Variants in ENPP3 observed in about 807,000 individuals in gnomAD.
ENPP3 encodes ectonucleotide pyrophosphatase/phosphodiesterase family member 3.
A neutral mutation model predicts 117.8 loss-of-function variants in ENPP3; 104 were observed. That is an observed-to-expected ratio of 0.88 (90% CI 0.75 to 1.04). ENPP3 has a LOEUF of 1.04. Among genes scored for constraint, ENPP3 ranks in the 50% least tolerant of loss-of-function variants. ENPP3 has a pLI of 0.00. For synonymous variants in ENPP3, 380 were observed against 349.9 expected, an observed-to-expected ratio of 1.09 and a Z score of -0.96; for missense variants, 1,026 against 1,051.9, an observed-to-expected ratio of 0.98 and a Z score of 0.34.
chr6:131,652,785 G>A, intron 4 of ENPP3, 46 bp from the exon 5 acceptor site: 1 of 1,592,932 alleles, frequency 6.3e-7, no homozygotes, highest in Non-Finnish European at 8.6e-7. Context: ...TAGTTACTCT[G>A]TCTGTGCTGC....
At chr6:131,660,875 A>G (rs1294644827) in intron 6 of ENPP3, among the ~76,000 whole-genome samples, 1 of 152,170 alleles carries the variant, frequency 6.6e-6, no homozygotes, top group African/African-American at 2.4e-5. Flanking sequence ...CCATTGATTA[A>G]CGATTCCACA....
intron 15 of ENPP3, among the ~76,000 whole-genome samples, chr6:131,717,354 GTGTGTGTGTGTGTGT>G (rs1779919161): frequency 2.4e-4 from 2 of 8,466 alleles, no homozygotes; most frequent in African/African-American, 6.6e-4. Flanking sequence ...TGCGGGGGGT[GTGTGTGTGTGTGTGT>G]GTGTGTGTGT....
intron 10 of ENPP3, 103 bp downstream of exon 10, chr6:131,676,904 G>T: frequency 1.4e-6 from 1 of 737,428 alleles, no homozygotes; most frequent in Non-Finnish European, 2.3e-6. Context: ...GGCTATTTTC[G>T]AAACGACGTG....
intron 6 of ENPP3, among the ~76,000 whole-genome samples, chr6:131,670,602 C>T (rs1015166851): frequency 6.6e-6 from 1 of 152,096 alleles, no homozygotes; most frequent in African/African-American, 2.4e-5. Flanking sequence ...ACAATCCTCC[C>T]ACCTCAGCCT....
chr6:131,694,172 A>AC (rs1779350719), intron 15 of ENPP3, among the ~76,000 whole-genome samples: 1 of 152,166 alleles, frequency 6.6e-6, no homozygotes, highest in African/African-American at 2.4e-5. Context: ...TGTGCATGCT[A>AC]TTTAGCAGTT....
At position 131,674,243 on chromosome 6, in the gene ENPP3, A is replaced by G. The variant is rs1416046366; in HGVS notation, c.724A>G (p.Lys242Glu). 2 of 1,613,322 alleles carry G rather than the reference A, an allele frequency of 1.2e-6. No homozygotes were observed. The highest frequency in any genetic ancestry group is 3.3e-4 in the Middle Eastern group (2 of 6,060). ...CAACAAGAATTTTTCACTTTCTTCA[A>G]AGGAACAAAATAATCCAGCCTGGTG... The part of the protein sequence containing the change: ...NLNKNFSLSS[K>E]EQNNPAWWHG... The change falls in exon 8 of 25, where the codon AAG becomes GAG. Residue 242 changes from lysine to glutamate, a missense_variant. Lys to Glu is a moderately conservative substitution (Grantham distance 56). Coordinates refer to ENST00000357639, the MANE Select transcript of ENPP3 (RefSeq NM_005021.5).
At chr6:131,731,677 C>A (rs1169668545) in intron 20 of ENPP3, among the ~76,000 whole-genome samples, 2 of 152,142 alleles carry the variant, frequency 1.3e-5, no homozygotes, top group African/African-American at 4.8e-5. Flanking sequence ...GTCTTTAGGA[C>A]TCCAAGTTCT....
intron 20 of ENPP3, among the ~76,000 whole-genome samples, chr6:131,732,348 C>T (rs1780298232): frequency 6.6e-6 from 1 of 152,134 alleles, no homozygotes; most frequent in African/African-American, 2.4e-5. Flanking sequence ...AGTTAGGCAG[C>T]ACATTTACAG....
At position 131,685,358 on chromosome 6, in the gene ENPP3, A is replaced by G. The variant is rs778466478; in HGVS notation, c.1121-6A>G. 3.7e-6 allele frequency: 6 copies of G among 1,603,294 alleles called. No homozygotes were observed. The Admixed American group carries it at 8.5e-5, about 23-fold the overall frequency. On this transcript the variant is annotated splice_region_variant and splice_polypyrimidine_tract_variant and intron_variant, in intron 12 of 24. Coordinates refer to ENST00000357639, the MANE Select transcript of ENPP3 (RefSeq NM_005021.5). ...AGTGGGTTATTATGATTATTTTTTTATTCAGGAATGGACCAGACTTATTGT... is the reference window on the plus strand; with the variant it reads ...AGTGGGTTATTATGATTATTTTTTTGTTCAGGAATGGACCAGACTTATTGT...
chr6:131,654,977 TAAC>T (rs1228856236), intron 5 of ENPP3, among the ~76,000 whole-genome samples: 1 of 152,130 alleles, frequency 6.6e-6, no homozygotes, highest in Non-Finnish European at 1.5e-5. Flanking sequence ...ACTGAAATAA[TAAC>T]AATGCCAGGG....
At chr6:131,676,532 A>G (rs909684084) in intron 9 of ENPP3, among the ~76,000 whole-genome samples, 3 of 152,214 alleles carry the variant, frequency 2.0e-5, no homozygotes, top group African/African-American at 7.2e-5. Flanking sequence ...GGTGAAATAA[A>G]ACAATCTACA....
chr6:131,674,257 T>C lies in ENPP3; in HGVS notation c.738T>C (p.Asn246=), dbSNP rs1192580100. ...CACTTTCTTCAAAGGAACAAAATAATCCAGCCTGGTGGCATGGGCAACCAG... is the reference window on the plus strand; with the variant it reads ...CACTTTCTTCAAAGGAACAAAATAACCCAGCCTGGTGGCATGGGCAACCAG... ...NFSLSSKEQN[N]PAWWHGQPMW... Residue 246 remains asparagine, a synonymous_variant, in exon 8 of 25, where the codon AAT becomes AAC. Coordinates refer to ENST00000357639, the MANE Select transcript of ENPP3 (RefSeq NM_005021.5). 6.2e-7 allele frequency: 1 copy of C among 1,613,600 alleles called. No individual in the cohort carries two copies. The highest frequency in any genetic ancestry group is 1.3e-5 in the African/African-American group (1 of 74,892).
chr6:131,704,670 T>C (rs1779604563), intron 15 of ENPP3, among the ~76,000 whole-genome samples: 2 of 144,150 alleles, frequency 1.4e-5, no homozygotes, highest in East Asian at 2.0e-4. Context: ...ATTGTGCCAA[T>C]ATACCTAGCC....
chr6:131,650,278 G>A (rs1778236450), intron 3 of ENPP3, 129 bp downstream of exon 3: 14 of 972,324 alleles, frequency 1.4e-5, no homozygotes, highest in African/African-American at 9.7e-5. Context: ...GGAGTGCAGT[G>A]GCATGATCAT....
chr6:131,652,889 AG>A lies in ENPP3; in HGVS notation c.464+1del, dbSNP rs771790691. On this transcript the variant is annotated frameshift_variant and splice_region_variant, in exon 5 of 25. Coordinates refer to ENST00000357639, the MANE Select transcript of ENPP3 (RefSeq NM_005021.5). LOFTEE classifies it high-confidence loss of function. The part of the protein sequence containing the change: ...DTAQQSQCPE[G>X]FDLPPVILFS... Reference sequence around the variant, plus strand: ...CAGCCCAGCAGTCTCAGTGCCCAGAAGGGTGAGCATGACTGATACAGGGATT... The same window carrying A: ...CAGCCCAGCAGTCTCAGTGCCCAGAAGGTGAGCATGACTGATACAGGGATT... 1.2e-6 allele frequency: 2 copies of A among 1,608,446 alleles called. No homozygotes were observed. The highest frequency in any genetic ancestry group is 3.3e-5 in the Admixed American group (2 of 59,978).
At chr6:131,739,693 CA>C (rs1242153631) in intron 23 of ENPP3, among the ~76,000 whole-genome samples, 1 of 144,026 alleles carries the variant, frequency 6.9e-6, no homozygotes, top group African/African-American at 2.6e-5. Context: ...CTGATGGGAG[CA>C]AAAAATATGT....
Position 131,668,300 on chromosome 6 carries a change from C to T in ENPP3, c.563-2948C>T, listed in dbSNP as rs547325981. On this transcript the variant is annotated intron_variant, in intron 6 of 24. Transcript: ENST00000357639. ...CGATCTCAGCTCACTGTAACCTCCG[C>T]TTCTCGGGTTCCAGTGATTCTCCTG... Among the ~76,000 whole-genome samples the T allele has an allele frequency of 5.6e-3, 812 of 145,128 alleles. 6 individuals are homozygous for T. Among genetic ancestry groups the T allele is most frequent in the African/African-American group, 0.018 (686 of 38,464 alleles).
At chr6:131,661,828 T>C (rs1239866234) in intron 6 of ENPP3, among the ~76,000 whole-genome samples, 1 of 152,222 alleles carries the variant, frequency 6.6e-6, no homozygotes, top group African/African-American at 2.4e-5. Flanking sequence ...TTGAAAGTGT[T>C]TTCCCCCATT....
At chr6:131,657,929 A>C (rs1416636519) in intron 5 of ENPP3, among the ~76,000 whole-genome samples, 1 of 152,050 alleles carries the variant, frequency 6.6e-6, no homozygotes, top group Non-Finnish European at 1.5e-5. Context: ...TTTGGAGGCC[A>C]AGGCGGGCGG....
Sources: allele counts gnomAD v4.1 joint callset (sites outside exome capture counted in the v4.1 genomes callset), GRCh38; gene constraint gnomAD v4.1.1; transcripts MANE v1.5; gene names NCBI Gene and HGNC (gene_info 2026-07-23, HGNC 2026-07-21).